Variants in GABRB1 observed in about 807,000 individuals in gnomAD.
GABRB1 encodes gamma-aminobutyric acid type A receptor subunit beta1.
A neutral mutation model predicts 51.6 loss-of-function variants in GABRB1; 17 were observed. The ratio of observed to expected loss-of-function variants is 0.33; its 90% confidence interval spans 0.23 to 0.49. GABRB1 has a LOEUF of 0.49. Ranked by LOEUF, GABRB1 falls within the 20% of genes least tolerant of loss-of-function variation. The pLI is 0.99. For missense variants in GABRB1, 410 were observed against 600.6 expected, an observed-to-expected ratio of 0.68 and a Z score of 3.32; for synonymous variants, 247 against 218.9, an observed-to-expected ratio of 1.13 and a Z score of -1.14.
At chr4:47,183,214 G>A (rs1328145123) in intron 4 of GABRB1, among the ~76,000 whole-genome samples, 1 of 151,142 alleles carries the variant, frequency 6.6e-6, no homozygotes, top group African/African-American at 2.4e-5. Flanking sequence ...GCATTTCAGG[G>A]GTATCTGAGG....
intron 3 of GABRB1, among the ~76,000 whole-genome samples, chr4:47,150,386 A>G (rs1009651322): frequency 2.0e-5 from 3 of 151,326 alleles, no homozygotes; most frequent in African/African-American, 7.3e-5. Context: ...ACACAGAGAG[A>G]GAGAGAGATG....
rs375990101 is a variant in GABRB1 at position 47,206,223 on chromosome 4, G to A, written c.461+44754G>A. Among the ~76,000 whole-genome samples the A allele has an allele frequency of 4.6e-5, 7 of 152,132 alleles. No individual in the cohort carries two copies. In the East Asian group the frequency reaches 9.6e-4, roughly 21 times the overall value. ...TACCAGTTGGGGGCAAGAGAATGGA[G>A]GTTAAAATGCTTGTTGCTACGTTTT... On this transcript the variant is annotated intron_variant, in intron 4 of 8. Transcript: ENST00000295454.
intron 3 of GABRB1, among the ~76,000 whole-genome samples, chr4:47,072,015 A>G (rs1419361697): frequency 2.0e-5 from 3 of 150,238 alleles, no homozygotes; most frequent in Non-Finnish European, 4.4e-5. Context: ...AAATGAAGTC[A>G]TTGTAATCTC....
chr4:47,257,569 GGATTGGTGAGAAGTT>G (rs1373657869), intron 4 of GABRB1, among the ~76,000 whole-genome samples: 2 of 151,754 alleles, frequency 1.3e-5, no homozygotes, highest in Non-Finnish European at 2.9e-5. Flanking sequence ...GAGGGAGGGT[GGATTGGTGAGAAGTT>G]GATTGGTGAG....
chr4:47,391,849 A>G (rs1728007740), intron 5 of GABRB1, among the ~76,000 whole-genome samples: 1 of 152,200 alleles, frequency 6.6e-6, no homozygotes, highest in Non-Finnish European at 1.5e-5. Flanking sequence ...AGGCATCGGG[A>G]ATTTTTTAAA....
intron 3 of GABRB1, among the ~76,000 whole-genome samples, chr4:47,067,090 C>T (rs1249096822): frequency 6.6e-6 from 1 of 152,138 alleles, no homozygotes; most frequent in Non-Finnish European, 1.5e-5. Context: ...CTTGGGTGAC[C>T]AGGTACATTG....
intron 4 of GABRB1, among the ~76,000 whole-genome samples, chr4:47,235,835 T>C (rs1256191582): frequency 6.6e-6 from 1 of 152,158 alleles, no homozygotes; most frequent in Non-Finnish European, 1.5e-5. Flanking sequence ...TACAATAGTC[T>C]CAACACAATT....
At chr4:47,034,777 A>G (rs1469620216) in intron 3 of GABRB1, among the ~76,000 whole-genome samples, 2 of 152,162 alleles carry the variant, frequency 1.3e-5, no homozygotes, top group African/African-American at 2.4e-5. Context: ...GGTTCTGTAT[A>G]AACACAACTC....
At chr4:47,371,716 G>T (rs1340885528) in intron 5 of GABRB1, among the ~76,000 whole-genome samples, 1 of 152,060 alleles carries the variant, frequency 6.6e-6, no homozygotes, top group Non-Finnish European at 1.5e-5. Context: ...TCATTTGTTT[G>T]TTGGCTGCAT....
At chr4:47,217,454 C>A (rs1720597844) in intron 4 of GABRB1, among the ~76,000 whole-genome samples, 2 of 151,716 alleles carry the variant, frequency 1.3e-5, no homozygotes, top group South Asian at 4.1e-4. Context: ...ATTAAAAACT[C>A]TCAAGAGGAA....
intron 3 of GABRB1, among the ~76,000 whole-genome samples, chr4:47,110,928 A>G (rs1462800322): frequency 6.6e-6 from 1 of 152,186 alleles, no homozygotes; most frequent in Non-Finnish European, 1.5e-5. Flanking sequence ...AAGCTGGGTA[A>G]GTTTCACTAT....
At chr4:47,343,778 T>A (rs995765470) in intron 5 of GABRB1, among the ~76,000 whole-genome samples, 1 of 152,194 alleles carries the variant, frequency 6.6e-6, no homozygotes, top group African/African-American at 2.4e-5. Context: ...TTATACTTAA[T>A]TGAAATCTAA....
At chr4:47,383,070 G>C (rs1442833586) in intron 5 of GABRB1, among the ~76,000 whole-genome samples, 1 of 152,150 alleles carries the variant, frequency 6.6e-6, no homozygotes, top group East Asian at 1.9e-4. Context: ...ACTGTGAACT[G>C]TCAGCTTTAC....
At chr4:47,204,143 A>C (rs1017535799) in intron 4 of GABRB1, among the ~76,000 whole-genome samples, 3 of 152,120 alleles carry the variant, frequency 2.0e-5, no homozygotes, top group Non-Finnish European at 4.4e-5. Flanking sequence ...AGGTGATTAA[A>C]TTATCTGGAA....
chr4:47,054,676 A>G (rs2109514632), intron 3 of GABRB1, among the ~76,000 whole-genome samples: 2 of 151,684 alleles, frequency 1.3e-5, no homozygotes, highest in East Asian at 3.9e-4. Flanking sequence ...CCACCTCCCC[A>G]CATTCAAGCA....
At chr4:47,355,002 T>TTTTTTTTTTTTTTTA (rs1726510290) in intron 5 of GABRB1, among the ~76,000 whole-genome samples, 1 of 144,090 alleles carries the variant, frequency 6.9e-6, no homozygotes, top group South Asian at 2.3e-4. Context: ...TTTTTTTTTT[T>TTTTTTTTTTTTTTTA]TTTGACAGAA....
intron 3 of GABRB1, among the ~76,000 whole-genome samples, chr4:47,123,705 A>ATATATATGATATATTATATATATC (rs1491274806): frequency 8.6e-4 from 14 of 16,370 alleles, no homozygotes; most frequent in African/African-American, 2.6e-3. Flanking sequence ...TTATATATAT[A>ATATATATGATATATTATATATATC]ATATGATATA....
chr4:47,190,404 T>TTG (rs1483478128), intron 4 of GABRB1, among the ~76,000 whole-genome samples: 1 of 152,116 alleles, frequency 6.6e-6, no homozygotes, highest in East Asian at 1.9e-4. Context: ...CTATCATGTA[T>TTG]TGTGCACATA....
intron 3 of GABRB1, among the ~76,000 whole-genome samples, chr4:47,121,515 G>A (rs1219852980): frequency 6.6e-6 from 1 of 152,132 alleles, no homozygotes; most frequent in Non-Finnish European, 1.5e-5. Context: ...AAGGGAGGAT[G>A]ATTGATGAAG....
Sources: gnomAD v4.1 joint callset for allele counts (sites outside exome capture counted in the v4.1 genomes callset) on GRCh38, gnomAD v4.1.1 for gene constraint, MANE v1.5 for transcripts, NCBI Gene and HGNC (gene_info 2026-07-23, HGNC 2026-07-21) for gene names.